The following PTPRD variants were observed in gnomAD, a reference collection of about 807,000 sequenced individuals.
PTPRD encodes the protein receptor-type tyrosine-protein phosphatase delta.
Under a neutral mutation model 214.5 loss-of-function variants are expected in PTPRD, and 34 were observed. The observed-to-expected ratio is 0.16, with a 90% CI of 0.12 to 0.21. The LOEUF (loss-of-function observed/expected upper bound fraction) is 0.21, where lower values mean the gene tolerates loss of function less well. Among genes scored for constraint, PTPRD ranks in the 10% least tolerant of loss-of-function variants. The probability of loss-of-function intolerance (pLI) is 1.00; values close to 1 mark genes in which losing one functional copy is unlikely to be tolerated. For synonymous variants in PTPRD, 1,128 were observed against 845.7 expected (o/e 1.33, Z -5.79); for missense variants, 2,545 against 2,398.7 (o/e 1.06, Z -1.27).
intron 2 of PTPRD, among the ~76,000 whole-genome samples, chr9:10,484,365 A>C (rs1164326566): frequency 6.6e-6 from 1 of 152,098 alleles, no homozygotes; most frequent in African/African-American, 2.4e-5. Context: ...GGTTATGAAT[A>C]CATTGAAATT....
chr9:9,484,156 TA>T (rs1340419177), intron 8 of PTPRD, among the ~76,000 whole-genome samples: 1 of 151,646 alleles, frequency 6.6e-6, no homozygotes, highest in Non-Finnish European at 1.5e-5. Context: ...AATAGGAAAA[TA>T]AAAATTTTAA....
At chr9:8,686,377 T>C (rs1283855547) in intron 12 of PTPRD, among the ~76,000 whole-genome samples, 1 of 152,198 alleles carries the variant, frequency 6.6e-6, no homozygotes, top group Non-Finnish European at 1.5e-5. Context: ...GTTGCATTTG[T>C]GAATGTAGGC....
chr9:9,876,006 C>T (rs1227084247), intron 5 of PTPRD, among the ~76,000 whole-genome samples: 1 of 151,856 alleles, frequency 6.6e-6, no homozygotes, highest in Non-Finnish European at 1.5e-5. Flanking sequence ...GGTGAGTTTG[C>T]AGGTGCTTAA....
intron 35 of PTPRD, among the ~76,000 whole-genome samples, chr9:8,408,775 A>C (rs1481427346): frequency 1.3e-5 from 2 of 151,960 alleles, no homozygotes; most frequent in Non-Finnish European, 2.9e-5. Context: ...CCTCCTCCCC[A>C]CCGCAGCTTT....
chr9:9,618,358 C>G (rs1230844911), intron 7 of PTPRD, among the ~76,000 whole-genome samples: 2 of 151,702 alleles, frequency 1.3e-5, no homozygotes, highest in Non-Finnish European at 2.9e-5. Context: ...ACACTTTAAC[C>G]TCTTTTTTCC....
At chr9:9,815,542 A>G (rs1000668139) in intron 5 of PTPRD, among the ~76,000 whole-genome samples, 11 of 152,162 alleles carry the variant, frequency 7.2e-5, no homozygotes, top group Non-Finnish European at 1.3e-4. Context: ...AATCTTCTAC[A>G]CAGCAAAGGA....
chr9:9,268,483 A>G (rs1195077853), intron 9 of PTPRD, among the ~76,000 whole-genome samples: 1 of 151,274 alleles, frequency 6.6e-6, no homozygotes, highest in Non-Finnish European at 1.5e-5. Context: ...CAAGGTTCCA[A>G]TGGCATTTTC....
At chr9:10,105,106 A>T (rs949055584) in intron 3 of PTPRD, among the ~76,000 whole-genome samples, 1 of 151,786 alleles carries the variant, frequency 6.6e-6, no homozygotes, top group Non-Finnish European at 1.5e-5. Flanking sequence ...CTGAAATAGC[A>T]TTATTTACCT....
intron 10 of PTPRD, among the ~76,000 whole-genome samples, chr9:9,096,487 T>C (rs1306772634): frequency 1.3e-5 from 2 of 152,218 alleles, no homozygotes; most frequent in African/African-American, 4.8e-5. Context: ...GACATTTTTG[T>C]GTTCCATGAC....
intron 11 of PTPRD, among the ~76,000 whole-genome samples, chr9:8,806,809 A>G (rs1459739532): frequency 1.3e-5 from 2 of 152,162 alleles, no homozygotes; most frequent in Non-Finnish European, 2.9e-5. Flanking sequence ...CTTTGCCCAA[A>G]TTAAGTACTC....
rs2135640169 is a variant in PTPRD at position 8,389,264 on chromosome 9, C to G, written c.4354G>C (p.Val1452Leu). The change falls in exon 37 of 46, where the codon GTC becomes CTC. Residue 1452 changes from valine (V) to leucine (L), a missense_variant. Physicochemically the swap from Val to Leu is conservative, Grantham distance 32. Transcript: ENST00000381196. ...MIWEQRSATV[V>L]MMTKLEERSR... ...CTTTCTTCTAGTTTTGTCATCATGA[C>G]AACTGTGGCACTCCGTTGTTCCCAT... 1 of 1,611,540 alleles carries G rather than the reference C, an allele frequency of 6.2e-7. No individual in the cohort carries two copies. Among genetic ancestry groups the G allele is most frequent in the Non-Finnish European group, 8.5e-7 (1 of 1,178,788 alleles).
intron 10 of PTPRD, among the ~76,000 whole-genome samples, chr9:9,092,553 TATAAC>T (rs1043877765): frequency 7.9e-5 from 12 of 152,058 alleles, no homozygotes; most frequent in Admixed American, 2.0e-4. Flanking sequence ...TCTATTCACT[TATAAC>T]ATATGAAAAA....
At chr9:9,947,436 T>TTTTA (rs2092811505) in intron 4 of PTPRD, among the ~76,000 whole-genome samples, 1 of 28,474 alleles carries the variant, frequency 3.5e-5, no homozygotes, top group African/African-American at 3.8e-4. Flanking sequence ...TATATATATA[T>TTTTA]TATATATTTT....
At chr9:9,296,802 G>A (rs1009505548) in intron 9 of PTPRD, among the ~76,000 whole-genome samples, 1 of 151,704 alleles carries the variant, frequency 6.6e-6, no homozygotes, top group African/African-American at 2.4e-5. Flanking sequence ...AGGCAATGCA[G>A]AAATGAATTT....
rs2138846522 is a variant in PTPRD, at chr9:8,521,259, A to T, written c.961+18T>A. The stretch of plus-strand genomic sequence containing the variant: ...TTGAGTGTACCCAGATCCTCAAAGC[A>T]TAATCCATTGAGCATACCTTTGACA... On this transcript the variant is annotated intron_variant, in intron 20 of 45. Transcript: ENST00000381196. The T allele has an allele frequency of 1.9e-6, 3 of 1,599,964 alleles. No individual in the cohort carries two copies. Among genetic ancestry groups the T allele is most frequent in the Non-Finnish European group, 2.6e-6 (3 of 1,171,582 alleles).
chr9:8,370,479 C>G (rs570754155), intron 39 of PTPRD, among the ~76,000 whole-genome samples: 1 of 152,180 alleles, frequency 6.6e-6, no homozygotes, highest in Admixed American at 6.6e-5. Flanking sequence ...GCAAAATATA[C>G]TATTTTCTGG....
intron 11 of PTPRD, among the ~76,000 whole-genome samples, chr9:8,983,399 G>A (rs1415098517): frequency 6.6e-6 from 1 of 151,964 alleles, no homozygotes; most frequent in Non-Finnish European, 1.5e-5. Context: ...TACCTCTTAT[G>A]TTTTCCTGTA....
intron 8 of PTPRD, among the ~76,000 whole-genome samples, chr9:9,494,414 T>G (rs34441338): frequency 0.093 from 14,147 of 152,240 alleles, 831 homozygotes; most frequent in South Asian, 0.17. Context: ...AAACATTCAT[T>G]GTTGTTCTAA....
intron 4 of PTPRD, among the ~76,000 whole-genome samples, chr9:10,028,740 A>T (rs755401402): frequency 2.0e-5 from 3 of 152,188 alleles, no homozygotes; most frequent in Non-Finnish European, 4.4e-5. Flanking sequence ...TCAAGAGGTG[A>T]CTTGGGTGCT....
Sources: gnomAD v4.1 joint callset for allele counts (sites outside exome capture counted in the v4.1 genomes callset) on GRCh38, gnomAD v4.1.1 for gene constraint, MANE v1.5 for transcripts, NCBI Gene and HGNC (gene_info 2026-07-23, HGNC 2026-07-21) for gene names.